EPB41: variants seen among roughly 807,000 people sequenced by gnomAD.
The protein encoded by EPB41 is protein 4.1.
EPB41 carries 65 observed loss-of-function variants against 108.0 expected under a neutral mutation model. That is an observed-to-expected ratio of 0.60 (90% CI 0.49 to 0.74). The LOEUF (loss-of-function observed/expected upper bound fraction) is 0.74, where lower values mean the gene tolerates loss of function less well. Among genes scored for constraint, EPB41 ranks in the 30% least tolerant of loss-of-function variants. The pLI, the probability that EPB41 is intolerant of heterozygous loss-of-function variation, is 0.00. For synonymous variants in EPB41, 336 were observed against 358.9 expected (o/e 0.94, Z 0.72); for missense variants, 875 against 1,037.0 (o/e 0.84, Z 2.15).
intron 16 of EPB41, among the ~76,000 whole-genome samples, chr1:29,067,226 G>C (rs531592300): frequency 1.3e-5 from 2 of 151,256 alleles, no homozygotes; most frequent in African/African-American, 4.8e-5. Context: ...GGCCAGGCAC[G>C]GTGGCTCACG....
At chr1:28,889,801 T>A in intron 1 of EPB41, 1 of 985,344 alleles carries the variant, frequency 1.0e-6, no homozygotes, top group Non-Finnish European at 1.2e-6. Flanking sequence ...TTCATTCGGT[T>A]ATTCTCTAAG....
At chr1:28,892,711 C>T (rs560167753) in intron 1 of EPB41, among the ~76,000 whole-genome samples, 11 of 148,558 alleles carry the variant, frequency 7.4e-5, no homozygotes, top group Admixed American at 1.3e-4. Flanking sequence ...AACAAACAAA[C>T]AAATAAACAA....
chr1:28,971,775 G>A (rs554052799), intron 1 of EPB41, among the ~76,000 whole-genome samples: 2 of 152,154 alleles, frequency 1.3e-5, no homozygotes, highest in East Asian at 3.9e-4. Flanking sequence ...TAGTAATTCA[G>A]GTTCATAATG....
chr1:29,091,548 C>T (rs1441708476), intron 16 of EPB41, among the ~76,000 whole-genome samples: 2 of 152,116 alleles, frequency 1.3e-5, no homozygotes, highest in Non-Finnish European at 2.9e-5. Context: ...GTGCTCTGCT[C>T]ATTGGTTGGT....
intron 16 of EPB41, among the ~76,000 whole-genome samples, chr1:29,081,449 G>T (rs1465007766): frequency 6.6e-6 from 1 of 152,140 alleles, no homozygotes; most frequent in Non-Finnish European, 1.5e-5. Context: ...TCGACAGAAG[G>T]TATATCACTT....
chr1:29,023,447 G>C (rs1441946443), intron 7 of EPB41, among the ~76,000 whole-genome samples: 1 of 151,748 alleles, frequency 6.6e-6, no homozygotes, highest in African/African-American at 2.4e-5. Flanking sequence ...CAGCACTTTG[G>C]GGGGCCAAGG....
chr1:28,968,075 T>A (rs7418747), intron 1 of EPB41, among the ~76,000 whole-genome samples: 26,055 of 152,068 alleles, frequency 0.17, 2,770 homozygotes, highest in East Asian at 0.48. Context: ...AACTTCGTTT[T>A]TGGCCAGGCA....
chr1:28,977,078 C>T (rs2095623733), intron 1 of EPB41, among the ~76,000 whole-genome samples: 2 of 152,062 alleles, frequency 1.3e-5, no homozygotes. Context: ...GTCACAAATT[C>T]CTGACCTCAG....
chr1:29,028,012 CG>C (rs1484293288), intron 7 of EPB41, among the ~76,000 whole-genome samples: 1 of 150,518 alleles, frequency 6.6e-6, no homozygotes, highest in Non-Finnish European at 1.5e-5. Context: ...TTAGTAGAGA[CG>C]GGGTTTCTCC....
intron 16 of EPB41, chr1:29,070,576 G>A (rs2151096012): frequency 8.1e-7 from 1 of 1,232,110 alleles, no homozygotes; most frequent in South Asian, 4.1e-5. Flanking sequence ...CTTTTCTCGT[G>A]ATCCTTGTGT....
At chr1:28,972,024 C>T (rs1252281063) in intron 1 of EPB41, among the ~76,000 whole-genome samples, 3 of 152,064 alleles carry the variant, frequency 2.0e-5, no homozygotes, top group Non-Finnish European at 4.4e-5. Flanking sequence ...GCTCACCACC[C>T]CATACCCACC....
intron 5 of EPB41, among the ~76,000 whole-genome samples, chr1:29,012,958 A>G (rs1039876667): frequency 5.9e-5 from 9 of 152,192 alleles, no homozygotes; most frequent in Admixed American, 4.6e-4. Context: ...TACTTTTAAT[A>G]TGAAATATTA....
At chr1:28,948,372 G>A (rs1253125516) in intron 1 of EPB41, among the ~76,000 whole-genome samples, 1 of 151,896 alleles carries the variant, frequency 6.6e-6, no homozygotes, top group Non-Finnish European at 1.5e-5. Context: ...AGCCAGGCGC[G>A]GTGGCGGGCC....
chr1:29,098,016 A>G (rs902510765), intron 17 of EPB41, 81 bp downstream of exon 17: 74 of 1,587,042 alleles, frequency 4.7e-5, no homozygotes, highest in Non-Finnish European at 5.8e-5. Flanking sequence ...CTAGTCATTT[A>G]TCGCCAAGAA....
chr1:29,005,708 A>G (rs1471772737), intron 4 of EPB41, among the ~76,000 whole-genome samples: 1 of 152,148 alleles, frequency 6.6e-6, no homozygotes, highest in Non-Finnish European at 1.5e-5. Context: ...TATGAATTAT[A>G]AGAGACAGTC....
intron 11 of EPB41, among the ~76,000 whole-genome samples, chr1:29,040,635 T>G (rs1365176316): frequency 6.6e-6 from 1 of 152,086 alleles, no homozygotes; most frequent in Non-Finnish European, 1.5e-5. Context: ...GATAGGAAAC[T>G]CCAATATCCC....
In EPB41 at chr1:29,086,750, C is replaced by G. The variant is rs78715682; in HGVS notation, c.2185-11057C>G. 2.5e-3 allele frequency among the ~76,000 whole-genome samples: 376 copies of G among 152,126 alleles called. 10 individuals carry two copies. In the East Asian group the frequency reaches 0.065, roughly 26 times the overall value. ...TTTAATAGAGAAAGGAGTTGTTTTTCTATTGCCACTAAAAGGTAAAATTGG... is the reference window on the plus strand; with the variant it reads ...TTTAATAGAGAAAGGAGTTGTTTTTGTATTGCCACTAAAAGGTAAAATTGG... On this transcript the variant is annotated intron_variant, in intron 16 of 20. Coordinates refer to ENST00000343067, the MANE Select transcript of EPB41 (RefSeq NM_001376013.1).
At chr1:29,103,844 T>A (rs1371232156) in intron 17 of EPB41, among the ~76,000 whole-genome samples, 1 of 152,142 alleles carries the variant, frequency 6.6e-6, no homozygotes, top group Non-Finnish European at 1.5e-5. Flanking sequence ...ATTTTTTTAT[T>A]TCTAGTAGAG....
At chr1:28,972,747 A>G (rs532583060) in intron 1 of EPB41, among the ~76,000 whole-genome samples, 2 of 148,284 alleles carry the variant, frequency 1.3e-5, no homozygotes, top group East Asian at 4.1e-4. Context: ...CTACAGGCTC[A>G]TGAAACTATG....
Sources: gnomAD v4.1 joint callset for allele counts (sites outside exome capture counted in the v4.1 genomes callset) on GRCh38, gnomAD v4.1.1 for gene constraint, MANE v1.5 for transcripts, NCBI Gene and HGNC (gene_info 2026-07-23, HGNC 2026-07-21) for gene names.